BEND7: variants seen among roughly 807,000 people sequenced by gnomAD.
BEND7 encodes BEN domain-containing protein 7.
A neutral mutation model predicts 50.9 loss-of-function variants in BEND7; 28 were observed. The ratio of observed to expected loss-of-function variants is 0.55; its 90% CI spans 0.41 to 0.75. The LOEUF (loss-of-function observed/expected upper bound fraction) is 0.75. BEND7 is among the 30% of genes least tolerant of loss of function. The probability of loss-of-function intolerance (pLI) is 0.00; values close to 1 mark genes in which losing one functional copy is unlikely to be tolerated. For missense variants in BEND7, 477 were observed against 491.3 expected (o/e 0.97, Z 0.28); for synonymous variants, 170 against 183.9 (o/e 0.92, Z 0.61).
At position 13,492,780 on chromosome 10, in the gene BEND7, G is replaced by A. The variant is rs1248130824; in HGVS notation, c.668C>T (p.Pro223Leu). ...RKRNKKKKVP[P>L]KTVEPLTVKQ... ...CACAGTAAGAGGTTCCACAGTCTTT[G>A]GGGGCACTTTTTTCTTTTTATTTCT... Residue 223 changes from proline (P) to leucine (L), a missense_variant, in exon 5 of 9, where the codon CCA (proline) becomes CTA (leucine). Physicochemically the swap from Pro to Leu is moderately conservative, Grantham distance 98 (BLOSUM62 -3). Around this residue, in one of 3 missense-constraint regions of BEND7, gnomAD observed 396 missense variants for 384.2 expected, o/e 1.03. Transcript: ENST00000466271. The A allele has an allele frequency of 2.5e-6, 4 of 1,609,254 alleles. No individual in the cohort carries two copies. The South Asian group carries it at 4.4e-5, about 18-fold the overall frequency.
In BEND7 at chr10:13,526,203, T is replaced by C. The variant is rs757441391; in HGVS notation, c.80A>G (p.Tyr27Cys). ...ATCGTTGCTGAATTCTGGGATCTTA[T>C]ACACCTCGTGGTGATAATCTGGCAT... is the stretch of plus-strand genomic sequence containing the variant. ...LVSRDYHHEV[Y>C]KIPEFSNDVN... Residue 27 changes from tyrosine to cysteine, a missense_variant, in exon 2 of 9, where the codon TAT (tyrosine) becomes TGT (cysteine). By Grantham distance (194) the Tyr-to-Cys change is radical (BLOSUM62 -2). Transcript: ENST00000466271. 2.3e-5 allele frequency: 30 copies of C among 1,289,292 alleles called. No individual in the cohort carries two copies. Among genetic ancestry groups the C allele is most frequent in the Non-Finnish European group, 2.8e-5 (28 of 988,718 alleles). 79.9% of individuals were successfully genotyped at this position (1,289,292 alleles called of 1,614,324 possible).
chr10:13,490,472 G>A (rs188789745), intron 5 of BEND7, among the ~76,000 whole-genome samples: 14 of 152,290 alleles, frequency 9.2e-5, no homozygotes, highest in South Asian at 2.1e-4. Flanking sequence ...CTCAGTCCCC[G>A]TGTCCCTCCT....
intron 6 of BEND7, among the ~76,000 whole-genome samples, chr10:13,454,909 C>T (rs1235829248): frequency 3.3e-5 from 5 of 152,148 alleles, no homozygotes; most frequent in African/African-American, 4.8e-5. Flanking sequence ...CGGTGGCTCA[C>T]GCCTGTAATC....
At chr10:13,468,336 C>A (rs1346740339) in intron 6 of BEND7, among the ~76,000 whole-genome samples, 1 of 152,046 alleles carries the variant, frequency 6.6e-6, no homozygotes, top group Admixed American at 6.5e-5. Context: ...CTATAAAGAG[C>A]GGGGAGAGAA....
chr10:13,510,696 C>T (rs1419663086), intron 2 of BEND7, among the ~76,000 whole-genome samples: 3 of 152,104 alleles, frequency 2.0e-5, no homozygotes, highest in Non-Finnish European at 4.4e-5. Flanking sequence ...GCTAAATCTG[C>T]CTGGTTCCAA....
chr10:13,459,430 T>C (rs1413012680), intron 6 of BEND7: 3 of 152,240 alleles, frequency 2.0e-5, no homozygotes, highest in African/African-American at 4.8e-5. Flanking sequence ...TGCGTCATTC[T>C]CCATTTTCAA....
intron 2 of BEND7, among the ~76,000 whole-genome samples, chr10:13,504,977 C>T (rs2077765582): frequency 6.6e-6 from 1 of 152,198 alleles, no homozygotes; most frequent in Non-Finnish European, 1.5e-5. Flanking sequence ...CACAAGGTTG[C>T]CCTTAACTTG....
chr10:13,446,115 ACT>A (rs1836262641), intron 8 of BEND7: 1 of 152,168 alleles, frequency 6.6e-6, no homozygotes, highest in African/African-American at 2.4e-5. Flanking sequence ...TTATATAATG[ACT>A]CTGTATGGGA....
intron 2 of BEND7, among the ~76,000 whole-genome samples, chr10:13,520,681 A>G (rs2079023611): frequency 6.6e-6 from 1 of 152,202 alleles, no homozygotes; most frequent in African/African-American, 2.4e-5. Flanking sequence ...ATGACCATGT[A>G]GCCTTGGGCA....
At chr10:13,516,757 T>C (rs1341811350) in intron 2 of BEND7, among the ~76,000 whole-genome samples, 3 of 152,074 alleles carry the variant, frequency 2.0e-5, no homozygotes, top group Admixed American at 6.6e-5. Context: ...CAAATACTTA[T>C]GATATTTCCT....
At chr10:13,487,552 A>G (rs1174759730) in intron 5 of BEND7, among the ~76,000 whole-genome samples, 1 of 151,756 alleles carries the variant, frequency 6.6e-6, no homozygotes, top group Non-Finnish European at 1.5e-5. Context: ...ACGCCCGGCT[A>G]ATTTTATATT....
chr10:13,469,170 TAGG>T (rs1276872394), intron 6 of BEND7, among the ~76,000 whole-genome samples: 1 of 152,130 alleles, frequency 6.6e-6, no homozygotes. Context: ...GTAGGGCTGA[TAGG>T]AGGATGCTAG....
Position 13,491,292 on chromosome 10 carries a change from G to A in BEND7, c.837+1319C>T, listed in dbSNP as rs113504481. On this transcript the variant is annotated intron_variant, in intron 5 of 8. Transcript: ENST00000466271. Reference sequence around the variant, plus strand: ...CATGCCACTACACTCTAGCCTGGGCGACACAGCGAGACTCTGTCTAAAAAA... The same window carrying A: ...CATGCCACTACACTCTAGCCTGGGCAACACAGCGAGACTCTGTCTAAAAAA... Among the ~76,000 whole-genome samples the A allele has an allele frequency of 1.8e-3, 251 of 142,734 alleles. 7 individuals carry two copies. The South Asian group carries it at 0.038, about 21-fold the overall frequency. 93.6% of individuals were successfully genotyped at this position (142,734 alleles called of 152,430 possible).
At chr10:13,478,143 C>CA (rs1256286978) in intron 6 of BEND7, among the ~76,000 whole-genome samples, 1 of 152,152 alleles carries the variant, frequency 6.6e-6, no homozygotes, top group Non-Finnish European at 1.5e-5. Context: ...AATGGGCCCT[C>CA]AGAAGAACAG....
intron 1 of BEND7, chr10:13,527,896 T>G (rs1381239990): frequency 1.1e-6 from 1 of 948,206 alleles, no homozygotes; most frequent in Non-Finnish European, 1.3e-6. Flanking sequence ...TTCTTTTTTC[T>G]TTTTTTTAAA....
rs772805642 is a variant in BEND7 at position 13,447,226 on chromosome 10, T to A, written c.1234+40A>T. 10 of 1,608,042 alleles carry A rather than the reference T, an allele frequency of 6.2e-6. No homozygotes were observed. The African/African-American group carries it at 9.4e-5, about 15-fold the overall frequency. ...ATGCAAATAGTTTTGTGGGCTGTATTTTCCAGGAGGTGATGAAAATGTAAA... is the reference window on the plus strand; with the variant it reads ...ATGCAAATAGTTTTGTGGGCTGTATATTCCAGGAGGTGATGAAAATGTAAA... On this transcript the variant is annotated intron_variant, in intron 8 of 8. Coordinates refer to ENST00000466271, the MANE Select transcript of BEND7 (RefSeq NM_001369863.1).
intron 8 of BEND7, chr10:13,446,243 G>A (rs1045174117): frequency 6.6e-6 from 1 of 152,210 alleles, no homozygotes; most frequent in Non-Finnish European, 1.5e-5. Flanking sequence ...TTACACGGCT[G>A]AATTTTCCTG....
intron 5 of BEND7, among the ~76,000 whole-genome samples, chr10:13,481,920 C>T (rs866683288): frequency 1.3e-5 from 2 of 152,216 alleles, no homozygotes; most frequent in East Asian, 1.9e-4. Flanking sequence ...GCGCTCAGCA[C>T]GCCTTCTCCA....
intron 5 of BEND7, among the ~76,000 whole-genome samples, chr10:13,489,691 A>G (rs963754429): frequency 6.6e-6 from 1 of 152,212 alleles, no homozygotes; most frequent in Non-Finnish European, 1.5e-5. Context: ...ACCAAACAGT[A>G]TAGAAGTTCT....
Sources: allele counts gnomAD v4.1 joint callset (sites outside exome capture counted in the v4.1 genomes callset), GRCh38; gene constraint gnomAD v4.1.1; regional missense constraint gnomAD v4.1.1; transcripts MANE v1.5; gene names NCBI Gene and HGNC (gene_info 2026-07-23, HGNC 2026-07-21).